The following PLCL1 variants were observed in gnomAD, a reference collection of about 807,000 sequenced individuals.
PLCL1 encodes phospholipase C like 1 (inactive), also known as inactive phospholipase C-like protein 1.
In PLCL1, 41 loss-of-function variants were observed where a neutral mutation model predicts 84.4. The ratio of observed to expected loss-of-function variants is 0.49; its 90% CI spans 0.38 to 0.63. The LOEUF (loss-of-function observed/expected upper bound fraction) is 0.63. Ranked by LOEUF, PLCL1 falls within the 30% of genes least tolerant of loss-of-function variation. The pLI, the probability that PLCL1 is intolerant of heterozygous loss-of-function variation, is 0.00. For missense variants in PLCL1, 1,206 were observed against 1,367.8 expected, an observed-to-expected ratio of 0.88 and a Z score of 1.87; for synonymous variants, 490 against 488.3, an observed-to-expected ratio of 1.00 and a Z score of -0.05.
intron 1 of PLCL1, among the ~76,000 whole-genome samples, chr2:197,848,384 G>A (rs1252929002): frequency 6.6e-6 from 1 of 152,304 alleles, no homozygotes; most frequent in Admixed American, 6.5e-5. Flanking sequence ...ACGGGAGTAC[G>A]TCAGGATTAG....
chr2:198,144,624 G>T (rs762651946), intron 5 of PLCL1, among the ~76,000 whole-genome samples: 18 of 152,128 alleles, frequency 1.2e-4, no homozygotes, highest in Non-Finnish European at 2.6e-4. Flanking sequence ...GAAGGCTGAA[G>T]GATATTTTCA....
chr2:197,958,346 C>T (rs183055949), intron 1 of PLCL1, among the ~76,000 whole-genome samples: 158 of 151,110 alleles, frequency 1.0e-3, no homozygotes, highest in Non-Finnish European at 2.0e-3. Flanking sequence ...CTAATATTAA[C>T]CATAGCTTAT....
chr2:198,143,314 T>G (rs765741724), intron 5 of PLCL1, among the ~76,000 whole-genome samples: 24 of 152,176 alleles, frequency 1.6e-4, no homozygotes, highest in Non-Finnish European at 3.1e-4. Flanking sequence ...ATGTCGCTGC[T>G]GATGTGACAG....
At chr2:198,108,214 G>A (rs1481602704) in intron 5 of PLCL1, among the ~76,000 whole-genome samples, 1 of 151,794 alleles carries the variant, frequency 6.6e-6, no homozygotes, top group Non-Finnish European at 1.5e-5. Flanking sequence ...CTTGCTTCCA[G>A]TTGGTTGAAT....
chr2:197,992,510 C>G (rs78737962), intron 1 of PLCL1, among the ~76,000 whole-genome samples: 1,846 of 152,220 alleles, frequency 0.012, 45 homozygotes, highest in African/African-American at 0.041. Context: ...ACCAACCCCC[C>G]TCCTCAGCCT....
At chr2:198,124,832 A>T (rs1482275497) in intron 5 of PLCL1, among the ~76,000 whole-genome samples, 1 of 152,180 alleles carries the variant, frequency 6.6e-6, no homozygotes, top group Non-Finnish European at 1.5e-5. Context: ...AATTTTATTT[A>T]ATTCATTATC....
Position 198,112,629 on chromosome 2 carries a change from A to T in PLCL1, c.3105+8693A>T, listed in dbSNP as rs1424859079. Among the ~76,000 whole-genome samples, 7 of 151,806 alleles carry T rather than the reference A, an allele frequency of 4.6e-5. No homozygotes were observed. In the East Asian group the frequency reaches 1.2e-3, roughly 25 times the overall value. On this transcript the variant is annotated intron_variant, in intron 5 of 5. Coordinates refer to ENST00000428675, the MANE Select transcript of PLCL1 (RefSeq NM_006226.4). The stretch of plus-strand genomic sequence containing the variant: ...CTATTCTGTGTCTCCTCTAGGCAAC[A>T]TTTACTTCTTCAATTTTCATTTTGT...
chr2:197,889,628 T>G (rs1383938612), intron 1 of PLCL1, among the ~76,000 whole-genome samples: 1 of 152,206 alleles, frequency 6.6e-6, no homozygotes, highest in Non-Finnish European at 1.5e-5. Flanking sequence ...TCTGTTGATA[T>G]TCAAGCATAA....
chr2:198,072,376 G>T (rs983046981), intron 1 of PLCL1, among the ~76,000 whole-genome samples: 1 of 150,574 alleles, frequency 6.6e-6, no homozygotes, highest in African/African-American at 2.4e-5. Context: ...TTTTTCATTT[G>T]ATCTTTTGGG....
At chr2:198,145,603 A>G (rs1183597085) in intron 5 of PLCL1, among the ~76,000 whole-genome samples, 3 of 152,230 alleles carry the variant, frequency 2.0e-5, no homozygotes, top group Non-Finnish European at 2.9e-5. Flanking sequence ...TAACACAAAC[A>G]TCAGGCAAAG....
rs1691052822 is a variant in PLCL1 at position 197,831,251 on chromosome 2, A to G, written c.240+25912A>G. Among the ~76,000 whole-genome samples, 3 of 152,174 alleles carry G rather than the reference A, an allele frequency of 2.0e-5. No individual in the cohort carries two copies. In the South Asian group the frequency reaches 6.2e-4, roughly 31 times the overall value. ...TTGGACCCATCAGTCAAGACCCATCAGTGTGCTGTATTCAGGAGACCCATC... is the reference window on the plus strand; with the variant it reads ...TTGGACCCATCAGTCAAGACCCATCGGTGTGCTGTATTCAGGAGACCCATC... On this transcript the variant is annotated intron_variant, in intron 1 of 5. Transcript: ENST00000428675.
At chr2:198,012,133 C>T (rs947882990) in intron 1 of PLCL1, among the ~76,000 whole-genome samples, 11 of 152,066 alleles carry the variant, frequency 7.2e-5, no homozygotes, top group Admixed American at 5.2e-4. Flanking sequence ...GCCTAGGATT[C>T]ATAGTTCCCC....
chr2:198,129,250 T>C lies in PLCL1; in HGVS notation c.3106-17530T>C, dbSNP rs1356014139. Among the ~76,000 whole-genome samples, 8 of 152,266 alleles carry C rather than the reference T, an allele frequency of 5.3e-5. No homozygotes were observed. In the South Asian group the frequency reaches 1.4e-3, roughly 28 times the overall value. On this transcript the variant is annotated intron_variant, in intron 5 of 5. Transcript: ENST00000428675. The stretch of plus-strand genomic sequence containing the variant: ...GAGTTTAGCTGAGAGTCTGGTACCT[T>C]TTAAAGGTATGAATAGGAAGCATTT...
At chr2:198,040,865 C>T (rs1691644111) in intron 1 of PLCL1, among the ~76,000 whole-genome samples, 1 of 152,024 alleles carries the variant, frequency 6.6e-6, no homozygotes. Context: ...ATACATTTAC[C>T]CAAATATGTG....
At chr2:197,917,376 A>G (rs1274333648) in intron 1 of PLCL1, among the ~76,000 whole-genome samples, 2 of 152,354 alleles carry the variant, frequency 1.3e-5, no homozygotes, top group Non-Finnish European at 2.9e-5. Context: ...CATATTGCTA[A>G]GTGAAAGGCT....
At chr2:197,984,091 T>G (rs916350826) in intron 1 of PLCL1, among the ~76,000 whole-genome samples, 3 of 152,228 alleles carry the variant, frequency 2.0e-5, no homozygotes, top group African/African-American at 7.2e-5. Context: ...GTTGAAAATT[T>G]TTTAGATTTG....
intron 1 of PLCL1, among the ~76,000 whole-genome samples, chr2:197,968,543 T>C (rs923323408): frequency 3.3e-5 from 5 of 152,210 alleles, no homozygotes; most frequent in Admixed American, 6.5e-5. Flanking sequence ...AAAATAGAAA[T>C]AGTTAAAAAT....
At chr2:197,816,954 C>T (rs1159563352) in intron 1 of PLCL1, among the ~76,000 whole-genome samples, 1 of 152,030 alleles carries the variant, frequency 6.6e-6, no homozygotes, top group Non-Finnish European at 1.5e-5. Context: ...TGAAATTGTG[C>T]CCTTGTGGAT....
intron 1 of PLCL1, among the ~76,000 whole-genome samples, chr2:197,819,298 G>T (rs774834449): frequency 6.6e-6 from 1 of 152,122 alleles, no homozygotes; most frequent in African/African-American, 2.4e-5. Context: ...CTAGCTTGCC[G>T]TGGGGGCTGC....
Sources: gnomAD v4.1 joint callset for allele counts (sites outside exome capture counted in the v4.1 genomes callset) on GRCh38, gnomAD v4.1.1 for gene constraint, MANE v1.5 for transcripts, NCBI Gene and HGNC (gene_info 2026-07-23, HGNC 2026-07-21) for gene names.